Variants in MCC observed in about 807,000 individuals in gnomAD.
MCC encodes MCC regulator of Wnt signaling pathway, also known as colorectal mutant cancer protein.
MCC carries 90 observed loss-of-function variants against 116.2 expected under a neutral mutation model. That is an observed-to-expected ratio of 0.77 (90% CI 0.65 to 0.92). MCC has a LOEUF of 0.92. Ranked by LOEUF, MCC falls within the 40% of genes least tolerant of loss-of-function variation. The pLI is 0.00. For synonymous variants in MCC, 578 were observed against 510.5 expected (o/e 1.13, Z -1.78); for missense variants, 1,516 against 1,312.2 (o/e 1.16, Z -2.40).
chr5:113,049,245 CCTT>C lies in MCC; in HGVS notation c.2500_2502del (p.Lys834del). On this transcript the variant is annotated inframe_deletion, in exon 16 of 19. Coordinates refer to ENST00000408903, the MANE Select transcript of MCC (RefSeq NM_001085377.2). ...CGCGTGCTCAGCTTCAGCTCCAGGG[CCTT>C]CTTCTCTTTCTCCAGTAGGTAGAGC... is the stretch of plus-strand genomic sequence containing the variant. The C allele has an allele frequency of 1.9e-6, 3 of 1,613,076 alleles. No homozygotes were observed. The highest frequency in any genetic ancestry group is 2.5e-6 in the Non-Finnish European group (3 of 1,179,562).
chr5:113,397,562 T>C (rs911527281), intron 1 of MCC, among the ~76,000 whole-genome samples: 3 of 152,250 alleles, frequency 2.0e-5, no homozygotes, highest in African/African-American at 2.4e-5. Flanking sequence ...TAATGGAATA[T>C]TGAAATATAA....
chr5:113,040,437 C>T (rs1376358295), intron 17 of MCC, among the ~76,000 whole-genome samples: 1 of 152,152 alleles, frequency 6.6e-6, no homozygotes, highest in Non-Finnish European at 1.5e-5. Flanking sequence ...GTCTGGATGC[C>T]TGCGCCTACA....
intron 1 of MCC, among the ~76,000 whole-genome samples, chr5:113,457,640 T>C (rs1771611802): frequency 6.6e-6 from 1 of 152,112 alleles, no homozygotes; most frequent in Admixed American, 6.5e-5. Flanking sequence ...AACCTTTATG[T>C]CTAGCTCAGG....
intron 3 of MCC, among the ~76,000 whole-genome samples, chr5:113,225,429 C>G (rs535059981): frequency 3.3e-5 from 5 of 152,282 alleles, no homozygotes; most frequent in Admixed American, 2.6e-4. Context: ...TCTCAACCAC[C>G]CTTCCACTTT....
At chr5:113,415,056 G>C (rs568192427) in intron 1 of MCC, among the ~76,000 whole-genome samples, 2 of 152,264 alleles carry the variant, frequency 1.3e-5, no homozygotes, top group Non-Finnish European at 2.9e-5. Context: ...AAAATTCTGG[G>C]TTGAAAATTC....
At chr5:113,071,403 C>T (rs1754032758) in intron 11 of MCC, among the ~76,000 whole-genome samples, 169 bp from the exon 12 acceptor site, 1 of 152,180 alleles carries the variant, frequency 6.6e-6, no homozygotes. Flanking sequence ...AAAGTATCAC[C>T]AAACTCTGTG....
chr5:113,460,309 C>T (rs554360768), intron 1 of MCC, among the ~76,000 whole-genome samples: 1 of 152,204 alleles, frequency 6.6e-6, no homozygotes, highest in South Asian at 2.1e-4. Flanking sequence ...TCTGAGGCAC[C>T]TTTTCGGTGG....
chr5:113,356,093 T>C (rs1392117976), intron 2 of MCC, among the ~76,000 whole-genome samples: 2 of 150,892 alleles, frequency 1.3e-5, no homozygotes, highest in Admixed American at 6.6e-5. Flanking sequence ...GACAGGGTCT[T>C]GTTCTGTCAC....
intron 3 of MCC, among the ~76,000 whole-genome samples, chr5:113,327,173 C>T (rs1238100949): frequency 6.6e-6 from 1 of 152,012 alleles, no homozygotes. Context: ...CTCTAGAGGA[C>T]AGAAGTATCA....
At chr5:113,386,583 T>G (rs1337801076) in intron 1 of MCC, among the ~76,000 whole-genome samples, 1 of 152,098 alleles carries the variant, frequency 6.6e-6, no homozygotes, top group African/African-American at 2.4e-5. Context: ...TCTAAATAAA[T>G]GTAAAAGACT....
At chr5:113,122,603 C>T in intron 6 of MCC, 81 bp downstream of exon 6, 1 of 1,525,228 alleles carries the variant, frequency 6.6e-7, no homozygotes, top group Non-Finnish European at 8.9e-7. Context: ...AATTTTAATT[C>T]AGGCTGCCTC....
rs542145697 is a variant in MCC, at chr5:113,168,673, T to C, written c.628-17251A>G. 5.9e-5 allele frequency among the ~76,000 whole-genome samples: 9 copies of C among 152,188 alleles called. 1 individual carries two copies. In the South Asian group the frequency reaches 1.9e-3, roughly 32 times the overall value. On this transcript the variant is annotated intron_variant, in intron 3 of 18. Transcript: ENST00000408903. ...ATTCTGAATCTCGTAGTTTGAATAA[T>C]GGGTGCAGGCCAAAGCAACTGTGCT... is the stretch of plus-strand genomic sequence containing the variant.
At chr5:113,462,445 G>A (rs1025655958) in intron 1 of MCC, among the ~76,000 whole-genome samples, 1 of 151,926 alleles carries the variant, frequency 6.6e-6, no homozygotes, top group African/African-American at 2.4e-5. Flanking sequence ...CATTCCAGTC[G>A]AAACAACACT....
In MCC at chr5:113,185,539, T is replaced by G. The variant is rs576832881; in HGVS notation, c.628-34117A>C. 4.6e-5 allele frequency among the ~76,000 whole-genome samples: 7 copies of G among 152,270 alleles called. No homozygotes were observed. In the South Asian group the frequency reaches 1.5e-3, roughly 32 times the overall value. On this transcript the variant is annotated intron_variant, in intron 3 of 18. Coordinates refer to ENST00000408903, the MANE Select transcript of MCC (RefSeq NM_001085377.2). ...GATTAGAAGTAGCAGATTGAAAGGC[T>G]AGAGAAAGCTACACAGATATCAGCA...
chr5:113,442,553 T>G (rs1342397701), intron 1 of MCC, among the ~76,000 whole-genome samples: 3 of 152,380 alleles, frequency 2.0e-5, no homozygotes, highest in African/African-American at 7.2e-5. Flanking sequence ...TTTTCGTGTT[T>G]TAGACATGAA....
chr5:113,042,529 T>C (rs981138988), intron 17 of MCC, among the ~76,000 whole-genome samples: 7 of 142,984 alleles, frequency 4.9e-5, no homozygotes, highest in Admixed American at 1.4e-4. Flanking sequence ...CTCAAAGAGA[T>C]GCATATCACT....
At chr5:113,467,992 G>A (rs1207309475) in intron 1 of MCC, among the ~76,000 whole-genome samples, 1 of 152,132 alleles carries the variant, frequency 6.6e-6, no homozygotes, top group Non-Finnish European at 1.5e-5. Context: ...GTCTGTTATT[G>A]GTGTATAGGA....
At chr5:113,107,922 T>C (rs1312947362) in intron 6 of MCC, among the ~76,000 whole-genome samples, 4 of 152,112 alleles carry the variant, frequency 2.6e-5, no homozygotes, top group African/African-American at 7.2e-5. Flanking sequence ...AATTGGGCAG[T>C]TGCCGAGCCC....
intron 3 of MCC, among the ~76,000 whole-genome samples, chr5:113,198,994 C>A (rs915554349): frequency 3.3e-5 from 5 of 151,752 alleles, no homozygotes; most frequent in Admixed American, 6.6e-5. Context: ...TGGGTAAAAC[C>A]CCATGTCTAC....
Sources: gnomAD v4.1 joint callset for allele counts (sites outside exome capture counted in the v4.1 genomes callset) on GRCh38, gnomAD v4.1.1 for gene constraint, MANE v1.5 for transcripts, NCBI Gene and HGNC (gene_info 2026-07-23, HGNC 2026-07-21) for gene names.